The following LTBP4 variants were observed in gnomAD, a reference collection of about 807,000 sequenced individuals.
LTBP4 encodes the protein latent-transforming growth factor beta-binding protein 4.
A neutral mutation model predicts 180.2 loss-of-function variants in LTBP4; 93 were observed. That is an observed-to-expected ratio of 0.52 (90% CI 0.44 to 0.61). The LOEUF (loss-of-function observed/expected upper bound fraction) is 0.61. LTBP4 is among the 20% of genes least tolerant of loss of function. The pLI, the probability that LTBP4 is intolerant of heterozygous loss-of-function variation, is 0.00. For missense variants in LTBP4, 2,116 were observed against 2,256.5 expected (o/e 0.94, Z 1.26); for synonymous variants, 947 against 934.5 (o/e 1.01, Z -0.24).
chr19:40,600,240 T>C (rs537139080), upstream of LTBP4: 44 of 1,003,322 alleles, frequency 4.4e-5, no homozygotes, highest in African/African-American at 7.3e-4. The surrounding 1 kb of genome is among the most constrained non-coding windows in gnomAD (Gnocchi z 4.4). Context: ...TAAAGCCGTC[T>C]GGTTCCCACG....
intron 25 of LTBP4, 75 bp from the exon 26 acceptor site, chr19:40,623,861 C>T: frequency 6.3e-7 from 1 of 1,598,230 alleles, no homozygotes; most frequent in South Asian, 1.1e-5. Context: ...CATCACACTG[C>T]CAATGTGCTG....
chr19:40,623,840 T>C (rs2081604851), intron 25 of LTBP4, 96 bp from the exon 26 acceptor site: 2 of 1,598,510 alleles, frequency 1.3e-6, no homozygotes, highest in Middle Eastern at 1.7e-4. Flanking sequence ...TCCTGGAGTC[T>C]AGACTCCATC....
intron 22 of LTBP4, among the ~76,000 whole-genome samples, chr19:40,620,669 G>A (rs868786817): frequency 4.1e-5 from 6 of 146,502 alleles, no homozygotes; most frequent in East Asian, 4.1e-4. Context: ...CCAGCTATTC[G>A]AAAGGCTGAG....
chr19:40,624,021 G>A lies in LTBP4; in HGVS notation c.3771G>A (p.Glu1257=), dbSNP rs781553065. 6.8e-6 allele frequency: 11 copies of A among 1,608,806 alleles called. No homozygotes were observed. Among genetic ancestry groups the A allele is most frequent in the South Asian group, 5.5e-5 (5 of 90,456 alleles). Residue 1257 remains glutamate (E), a synonymous_variant, in exon 26 of 30, where the codon GAG becomes GAA. Transcript: ENST00000396819. ...NTVGSYHCTC[E]PPLVLDGSQR... Reference sequence around the variant, plus strand: ...TGGGCTCTTATCACTGTACCTGCGAGCCCCCACTGGTGCTGGATGGCTCGC... The same window carrying A: ...TGGGCTCTTATCACTGTACCTGCGAACCCCCACTGGTGCTGGATGGCTCGC...
intron 24 of LTBP4, 104 bp downstream of exon 24, chr19:40,623,125 T>A (rs2081598473): frequency 1.2e-6 from 1 of 802,482 alleles, no homozygotes; most frequent in Non-Finnish European, 1.9e-6. Context: ...TTTCTCTGTA[T>A]CTGTCTCCCC....
upstream of LTBP4, among the ~76,000 whole-genome samples, chr19:40,601,154 G>C (rs1218022094): frequency 1.3e-5 from 2 of 152,122 alleles, no homozygotes; most frequent in African/African-American, 2.4e-5. Flanking sequence ...TTGGTGCGCG[G>C]ATGGGGACAG....
chr19:40,604,200 A>G (rs545238223), intron 1 of LTBP4, among the ~76,000 whole-genome samples: 5 of 152,230 alleles, frequency 3.3e-5, no homozygotes, highest in Admixed American at 6.5e-5. Context: ...TAGAGGCAGC[A>G]GGTTAAGCTC....
At position 40,613,398 on chromosome 19, in the gene LTBP4, C is replaced by T. The variant is rs1169604196; in HGVS notation, c.2432-6C>T. The T allele has an allele frequency of 1.9e-6, 3 of 1,605,446 alleles. No homozygotes were observed. The highest frequency in any genetic ancestry group is 1.7e-5 in the Admixed American group (1 of 59,148). Reference sequence around the variant, plus strand: ...GTGACTCCGCCCAATCTCCCGCGTACCCTAGACGTGAACGAGTGCCTGGAG... The same window carrying T: ...GTGACTCCGCCCAATCTCCCGCGTATCCTAGACGTGAACGAGTGCCTGGAG... On this transcript the variant is annotated splice_polypyrimidine_tract_variant and splice_region_variant and intron_variant, in intron 16 of 29. Transcript: ENST00000396819. The surrounding 1 kb of genome is among the most constrained non-coding windows in gnomAD (Gnocchi z 5.0).
chr19:40,629,698 CA>C lies in LTBP4; in HGVS notation c.*149del. 3 of 809,052 alleles carry C rather than the reference CA, an allele frequency of 3.7e-6. No individual in the cohort carries two copies. Among genetic ancestry groups the C allele is most frequent in the Non-Finnish European group, 5.0e-6 (3 of 598,076 alleles). The allele number at this position is 809,052 out of a possible 1,614,324, so 50.1% of individuals were successfully genotyped here. Reference sequence around the variant, plus strand: ...GACGCCTGGAAGCTGCGACGCCCTGCACTGCTCCCGCCTCCACCAGCGCCTC... The same window carrying C: ...GACGCCTGGAAGCTGCGACGCCCTGCCTGCTCCCGCCTCCACCAGCGCCTC... On this transcript the variant is annotated 3_prime_UTR_variant, in exon 30 of 30. Transcript: ENST00000396819. This position sits in a 1 kb window ranked among gnomAD's most constrained non-coding sequence, Gnocchi z 4.5.
At position 40,606,385 on chromosome 19, in the gene LTBP4, A is replaced by G; in HGVS notation, c.869-19A>G. The G allele has an allele frequency of 1.2e-6, 2 of 1,606,506 alleles. No individual in the cohort carries two copies. The highest frequency in any genetic ancestry group is 1.7e-6 in the Non-Finnish European group (2 of 1,176,428). ...GGATCAAGTTCCTGACTCCACGGTG[A>G]CCTCCCCAACCCTGGCAGATGTGGA... On this transcript the variant is annotated intron_variant, in intron 5 of 29. Transcript: ENST00000396819.
Position 40,629,652 on chromosome 19 carries a change from G to C in LTBP4, c.*102G>C. 2.5e-6 allele frequency: 3 copies of C among 1,205,074 alleles called. No homozygotes were observed. Among genetic ancestry groups the C allele is most frequent in the Non-Finnish European group, 3.2e-6 (3 of 946,532 alleles). 74.6% of individuals were successfully genotyped at this position (1,205,074 alleles called of 1,614,324 possible). ...GTATGTGCACGGGGCCGCCCGCCTGGACCTGGAGAAGGGACCTACGGACGC... is the reference window on the plus strand; with the variant it reads ...GTATGTGCACGGGGCCGCCCGCCTGCACCTGGAGAAGGGACCTACGGACGC... On this transcript the variant is annotated 3_prime_UTR_variant, in exon 30 of 30. Transcript: ENST00000396819. This position sits in a 1 kb window ranked among gnomAD's most constrained non-coding sequence, Gnocchi z 4.5.
upstream of LTBP4, among the ~76,000 whole-genome samples, chr19:40,601,175 C>T (rs966835063): frequency 2.0e-5 from 3 of 152,060 alleles, no homozygotes; most frequent in African/African-American, 7.2e-5. Context: ...AGGGGGCGCC[C>T]CGCTCACCCC....
At chr19:40,620,921 T>C (rs1170499455) in intron 22 of LTBP4, among the ~76,000 whole-genome samples, 1 of 152,036 alleles carries the variant, frequency 6.6e-6, no homozygotes, top group Admixed American at 6.6e-5. Context: ...ACCCAGATAG[T>C]AAGCACAGTA....
At position 40,625,865 on chromosome 19, in the gene LTBP4, C is replaced by T; in HGVS notation, c.3841C>T (p.Leu1281=). The T allele has an allele frequency of 6.3e-7, 1 of 1,587,758 alleles. No homozygotes were observed. Among genetic ancestry groups the T allele is most frequent in the Non-Finnish European group, 8.6e-7 (1 of 1,168,264 alleles). ...SNESQSLDDN[L]GVCWQEVGAD... is the part of the protein sequence containing the mutation. Reference sequence around the variant, plus strand: ...GCTGTCTCCACCTACAGATGACAATCTGGGAGTGTGCTGGCAGGAAGTGGG... The same window carrying T: ...GCTGTCTCCACCTACAGATGACAATTTGGGAGTGTGCTGGCAGGAAGTGGG... Residue 1281 remains leucine, a synonymous_variant, in exon 27 of 30, where the codon CTG becomes TTG. Transcript: ENST00000396819.
At position 40,627,769 on chromosome 19, in the gene LTBP4, C is replaced by A; in HGVS notation, c.4431C>A (p.Thr1477=). The change falls in exon 29 of 30, where the codon ACC becomes ACA. Residue 1477 remains threonine (T), a synonymous_variant. Transcript: ENST00000396819. ...AEECGILDGC[T]NGRCVRVPEG... is the part of the protein sequence containing the mutation. Reference sequence around the variant, plus strand: ...AGTGCGGGATCCTGGACGGCTGCACCAACGGCCGCTGCGTGCGCGTCCCCG... The same window carrying A: ...AGTGCGGGATCCTGGACGGCTGCACAAACGGCCGCTGCGTGCGCGTCCCCG... The A allele has an allele frequency of 6.3e-7, 1 of 1,585,538 alleles. No individual in the cohort carries two copies. Among genetic ancestry groups the A allele is most frequent in the East Asian group, 2.3e-5 (1 of 43,332 alleles).
chr19:40,617,577 G>A (rs1409171829), intron 21 of LTBP4, among the ~76,000 whole-genome samples: 1 of 151,164 alleles, frequency 6.6e-6, no homozygotes, highest in Non-Finnish European at 1.5e-5. Context: ...CCAAGAGGTG[G>A]AGGTTGCAGT....
chr19:40,610,824 T>TG, intron 12 of LTBP4, 167 bp downstream of exon 12: 1 of 1,047,998 alleles, frequency 9.5e-7, no homozygotes, highest in Non-Finnish European at 1.3e-6. Context: ...AGACCTGGGA[T>TG]GCAGAGGCCA....
chr19:40,627,283 C>A lies in LTBP4; in HGVS notation c.4294C>A (p.Pro1432Thr). The change falls in exon 28 of 30, where the codon CCC (proline) becomes ACC (threonine). Residue 1432 changes from proline to threonine, a missense_variant. Physicochemically the swap from Pro to Thr is conservative, Grantham distance 38. Coordinates refer to ENST00000396819, the MANE Select transcript of LTBP4 (RefSeq NM_001042545.2). The part of the protein sequence containing the change: ...PAPPGPGTRW[P>T]YRSRDTRRSF... ...GCCACCTGGCCCGGGCACCCGCTGG[C>A]CCTATCGGTCCCGGGACACCCGCCG... 6.6e-7 allele frequency: 1 copy of A among 1,523,826 alleles called. No homozygotes were observed. Among genetic ancestry groups the A allele is most frequent in the Non-Finnish European group, 8.8e-7 (1 of 1,137,948 alleles). The allele number at this position is 1,523,826 out of a possible 1,614,324, so 94.4% of individuals were successfully genotyped here.
At chr19:40,599,471 C>T (rs780080507), upstream of LTBP4, 9 of 1,613,744 alleles carry the variant, frequency 5.6e-6, no homozygotes, top group South Asian at 4.4e-5. Flanking sequence ...AGGCCCCCAG[C>T]GGTGCCTGAA....
Sources: allele counts gnomAD v4.1 joint callset (sites outside exome capture counted in the v4.1 genomes callset), GRCh38; gene constraint gnomAD v4.1.1; non-coding constraint Gnocchi (gnomAD v3.1); transcripts MANE v1.5; gene names NCBI Gene and HGNC (gene_info 2026-07-23, HGNC 2026-07-21).